The following NR3C1 variants were observed in gnomAD, a reference collection of about 807,000 sequenced individuals.
The protein encoded by NR3C1 is nuclear receptor subfamily 3 group C member 1, also known as glucocorticoid receptor.
Under a neutral mutation model 74.0 loss-of-function variants are expected in NR3C1, and 14 were observed. The ratio of observed to expected loss-of-function variants is 0.19; its 90% CI spans 0.12 to 0.30. NR3C1 has a LOEUF of 0.30. NR3C1 is among the 10% of genes least tolerant of loss of function. The probability of loss-of-function intolerance (pLI) is 1.00; values close to 1 mark genes in which losing one functional copy is unlikely to be tolerated. For synonymous variants in NR3C1, 308 were observed against 332.5 expected (o/e 0.93, Z 0.80); for missense variants, 695 against 909.8 (o/e 0.76, Z 3.04).
At chr5:143,333,311 G>A in intron 2 of NR3C1, 1 of 707,700 alleles carries the variant, frequency 1.4e-6, no homozygotes, top group East Asian at 2.7e-5. Flanking sequence ...CACTTTACAA[G>A]TTCTTTTTGC....
chr5:143,399,574 A>T, intron 2 of NR3C1, 82 bp downstream of exon 2: 1 of 1,076,974 alleles, frequency 9.3e-7, no homozygotes, highest in Non-Finnish European at 1.4e-6. Context: ...TTTAGAGAAC[A>T]CATATAAATC....
chr5:143,308,077 T>C (rs1361974936), intron 4 of NR3C1, among the ~76,000 whole-genome samples: 4 of 152,192 alleles, frequency 2.6e-5, no homozygotes, highest in African/African-American at 7.2e-5. Context: ...AGACTCTTCA[T>C]AGTCATACCC....
intron 2 of NR3C1, among the ~76,000 whole-genome samples, chr5:143,339,364 G>A (rs1827778984): frequency 6.6e-6 from 1 of 152,046 alleles, no homozygotes; most frequent in South Asian, 2.1e-4. Context: ...GAACTCCTAA[G>A]CTGGTTCTCT....
chr5:143,334,297 G>A (rs545351443), intron 2 of NR3C1, among the ~76,000 whole-genome samples: 1 of 152,142 alleles, frequency 6.6e-6, no homozygotes, highest in Non-Finnish European at 1.5e-5. Context: ...CAGGAGAATC[G>A]CTTGAACCTG....
chr5:143,384,669 C>T (rs528695808), intron 2 of NR3C1, among the ~76,000 whole-genome samples: 33 of 152,342 alleles, frequency 2.2e-4, no homozygotes, highest in African/African-American at 7.0e-4. Flanking sequence ...GTCCAAGCCA[C>T]GCTGACACAA....
intron 2 of NR3C1, among the ~76,000 whole-genome samples, chr5:143,361,461 C>T (rs1162849162): frequency 6.6e-6 from 1 of 152,124 alleles, no homozygotes; most frequent in African/African-American, 2.4e-5. Flanking sequence ...CCTTAGAACT[C>T]CTTCTTCAAA....
chr5:143,315,626 CAGT>C (rs746993342), intron 2 of NR3C1, among the ~76,000 whole-genome samples: 1 of 152,062 alleles, frequency 6.6e-6, no homozygotes, highest in Non-Finnish European at 1.5e-5. Flanking sequence ...CAGCCAATAA[CAGT>C]AGTAAGTCTC....
At chr5:143,373,942 C>T (rs1445136138) in intron 2 of NR3C1, among the ~76,000 whole-genome samples, 2 of 151,982 alleles carry the variant, frequency 1.3e-5, no homozygotes, top group East Asian at 1.9e-4. Flanking sequence ...AAATATGATG[C>T]CTATGGTATG....
At chr5:143,366,198 G>C (rs1833139107) in intron 2 of NR3C1, among the ~76,000 whole-genome samples, 1 of 152,040 alleles carries the variant, frequency 6.6e-6, no homozygotes, top group Admixed American at 6.6e-5. Context: ...AAAAACAATA[G>C]AGTAGGTCAA....
intron 2 of NR3C1, among the ~76,000 whole-genome samples, chr5:143,391,829 G>A (rs1838284615): frequency 6.6e-6 from 1 of 152,128 alleles, no homozygotes. Flanking sequence ...TTGATTATAG[G>A]CAATACCTAC....
At chr5:143,346,313 G>GCA (rs1829279172) in intron 2 of NR3C1, among the ~76,000 whole-genome samples, 1 of 152,126 alleles carries the variant, frequency 6.6e-6, no homozygotes, top group African/African-American at 2.4e-5. Flanking sequence ...TTAACATACA[G>GCA]CACAATCTCC....
chr5:143,433,661 A>G, intron 1 of NR3C1: 1 of 151,852 alleles, frequency 6.6e-6, no homozygotes, highest in East Asian at 1.9e-4. Context: ...CTGCAGGCTT[A>G]ACATTCAAAA....
At chr5:143,306,804 T>C (rs1021694645) in intron 4 of NR3C1, among the ~76,000 whole-genome samples, 1 of 151,322 alleles carries the variant, frequency 6.6e-6, no homozygotes, top group Non-Finnish European at 1.5e-5. Context: ...TTATACTGAC[T>C]ATAAAAGCAT....
chr5:143,309,861 A>T (rs1820529164), intron 4 of NR3C1, among the ~76,000 whole-genome samples: 1 of 152,186 alleles, frequency 6.6e-6, no homozygotes, highest in Admixed American at 6.5e-5. Flanking sequence ...CTTTGTATAT[A>T]GTCTGGCTGT....
chr5:143,340,600 A>G (rs1193926594), intron 2 of NR3C1, among the ~76,000 whole-genome samples: 2 of 145,906 alleles, frequency 1.4e-5, no homozygotes, highest in Non-Finnish European at 3.0e-5. Context: ...CCCCTGCCTC[A>G]GCCTCCCGAG....
intron 2 of NR3C1, among the ~76,000 whole-genome samples, chr5:143,359,734 A>G (rs949089322): frequency 2.0e-5 from 3 of 152,150 alleles, no homozygotes; most frequent in African/African-American, 7.2e-5. Context: ...CCTGCCCAAC[A>G]TGGAGAAACC....
intron 7 of NR3C1, among the ~76,000 whole-genome samples, chr5:143,285,418 A>G (rs898610632): frequency 6.6e-6 from 1 of 152,218 alleles, no homozygotes; most frequent in African/African-American, 2.4e-5. Context: ...CTCAGAATCA[A>G]TAAGAATAAA....
intron 2 of NR3C1, among the ~76,000 whole-genome samples, chr5:143,394,840 A>G (rs141335691): frequency 6.6e-6 from 1 of 152,054 alleles, no homozygotes; most frequent in East Asian, 1.9e-4. Flanking sequence ...CAGTTGATCC[A>G]AACTGTTAGT....
At chr5:143,339,142 C>T (rs1468737913) in intron 2 of NR3C1, among the ~76,000 whole-genome samples, 2 of 152,060 alleles carry the variant, frequency 1.3e-5, no homozygotes, top group Non-Finnish European at 2.9e-5. Context: ...GATGACATCG[C>T]CTAATGATGC....
Sources: gnomAD v4.1 joint callset for allele counts (sites outside exome capture counted in the v4.1 genomes callset) on GRCh38, gnomAD v4.1.1 for gene constraint, MANE v1.5 for transcripts, NCBI Gene and HGNC (gene_info 2026-07-23, HGNC 2026-07-21) for gene names.